Variants in MT4 observed in about 807,000 individuals in gnomAD.
The protein encoded by MT4 is metallothionein-4.
Under a neutral mutation model 9.5 loss-of-function variants are expected in MT4, and 11 were observed. That is an observed-to-expected ratio of 1.16 (90% CI 0.73 to 1.92). The LOEUF is 1.92. Among genes scored for constraint, MT4 ranks in the 30% most tolerant of loss-of-function variants. The pLI, the probability that MT4 is intolerant of heterozygous loss-of-function variation, is 0.00. For synonymous variants in MT4, 29 were observed against 24.6 expected (o/e 1.18, Z -0.53); for missense variants, 88 against 78.7 (o/e 1.12, Z -0.45).
chr16:56,568,359 C>A (rs546114097), intron 2 of MT4, among the ~76,000 whole-genome samples: 6 of 151,510 alleles, frequency 4.0e-5, no homozygotes, highest in Admixed American at 2.6e-4. Context: ...ACCCTCAATC[C>A]TCCAGCCATG....
intron 2 of MT4, among the ~76,000 whole-genome samples, chr16:56,568,271 G>GAGAAAGAAAGAAAGAAAGAAAGAA (rs58324349): frequency 3.4e-5 from 2 of 58,648 alleles, no homozygotes; most frequent in Admixed American, 2.0e-4. Flanking sequence ...GAGAGAGAGA[G>GAGAAAGAAAGAAAGAAAGAAAGAA]AGAAAGAAAG....
chr16:56,566,733 A>G (rs12708961), intron 1 of MT4, among the ~76,000 whole-genome samples: 2,361 of 25,892 alleles, frequency 0.091, 19 homozygotes, highest in South Asian at 0.17. Flanking sequence ...AAAGAAAGAA[A>G]GAAAGAAAGA....
intron 1 of MT4, among the ~76,000 whole-genome samples, chr16:56,565,817 G>A (rs1310280153): frequency 2.0e-5 from 3 of 152,172 alleles, no homozygotes; most frequent in Non-Finnish European, 4.4e-5. Flanking sequence ...TGTAGTCCCA[G>A]CACTTTGAGG....
chr16:56,566,396 C>T (rs533755572), intron 1 of MT4, among the ~76,000 whole-genome samples: 49 of 151,582 alleles, frequency 3.2e-4, no homozygotes, highest in Non-Finnish European at 5.7e-4. Flanking sequence ...TGTGGTGGTG[C>T]GTGCCTGTGG....
At chr16:56,567,260 G>A (rs1462166037) in intron 1 of MT4, among the ~76,000 whole-genome samples, 1 of 151,970 alleles carries the variant, frequency 6.6e-6, no homozygotes, top group African/African-American at 2.4e-5. Flanking sequence ...CAGGCCTCAT[G>A]TGATTCACCT....
chr16:56,566,682 A>G (rs1391819750), intron 1 of MT4, among the ~76,000 whole-genome samples: 1 of 140,736 alleles, frequency 7.1e-6, no homozygotes, highest in African/African-American at 2.5e-5. Context: ...AAAGAGAAAA[A>G]GAAAAGAAAG....
intron 2 of MT4, 32 bp from the exon 3 acceptor site, chr16:56,568,809 C>T: frequency 6.7e-7 from 1 of 1,495,908 alleles, no homozygotes; most frequent in Non-Finnish European, 9.1e-7. Flanking sequence ...TGTTGACCCA[C>T]AGCGGATCTG....
At chr16:56,568,217 A>AGAG (rs1567330490) in intron 2 of MT4, among the ~76,000 whole-genome samples, 1 of 26,460 alleles carries the variant, frequency 3.8e-5, no homozygotes, top group African/African-American at 1.1e-4. Context: ...GAGAGAGAGA[A>AGAG]AGAAAGAAAG....
chr16:56,568,293 G>T (rs534024440), intron 2 of MT4, among the ~76,000 whole-genome samples: 2 of 142,732 alleles, frequency 1.4e-5, no homozygotes, highest in South Asian at 2.3e-4. Context: ...AAGAAAGAAA[G>T]AAAGAAAGAA....
chr16:56,567,688 T>C (rs1367362755), intron 1 of MT4, 63 bp from the exon 2 acceptor site: 10 of 1,487,750 alleles, frequency 6.7e-6, no homozygotes, highest in Non-Finnish European at 8.4e-6. Flanking sequence ...GTCGGCATCA[T>C]GCCTTATGTT....
intron 1 of MT4, among the ~76,000 whole-genome samples, chr16:56,566,729 A>G (rs28469339): frequency 0.073 from 1,784 of 24,468 alleles, 10 homozygotes; most frequent in Middle Eastern, 0.15. Flanking sequence ...AAAGAAAGAA[A>G]GAAAGAAAGA....
At chr16:56,568,404 C>G (rs1221433418) in intron 2 of MT4, among the ~76,000 whole-genome samples, 2 of 151,960 alleles carry the variant, frequency 1.3e-5, no homozygotes, top group Non-Finnish European at 2.9e-5. Flanking sequence ...GGTCTAGATG[C>G]CTTTTACCCA....
At chr16:56,568,049 A>G (rs1237550184) in intron 2 of MT4, among the ~76,000 whole-genome samples, 1 of 151,528 alleles carries the variant, frequency 6.6e-6, no homozygotes, top group African/African-American at 2.4e-5. Flanking sequence ...GCTACTCAGG[A>G]GGCTGAGGCA....
At chr16:56,568,269 GAGAGAA>G (rs1959574801) in intron 2 of MT4, among the ~76,000 whole-genome samples, 5 of 84,562 alleles carry the variant, frequency 5.9e-5, no homozygotes, top group African/African-American at 1.7e-4. Flanking sequence ...GAGAGAGAGA[GAGAGAA>G]AGAAAGAAAG....
chr16:56,567,411 G>C (rs530771561), intron 1 of MT4, among the ~76,000 whole-genome samples: 1 of 152,278 alleles, frequency 6.6e-6, no homozygotes, highest in Admixed American at 6.5e-5. Flanking sequence ...TTGTACATAA[G>C]AATTATTTGG....
chr16:56,568,237 A>AGAGAG (rs1959569459), intron 2 of MT4, among the ~76,000 whole-genome samples: 1 of 29,314 alleles, frequency 3.4e-5, no homozygotes, highest in Non-Finnish European at 8.4e-5. Context: ...GAAAGAAAGA[A>AGAGAG]AGAAAGAAAG....
intron 1 of MT4, among the ~76,000 whole-genome samples, chr16:56,566,234 A>G (rs1233210373): frequency 6.6e-6 from 1 of 152,094 alleles, no homozygotes; most frequent in African/African-American, 2.4e-5. Context: ...GATGATCATT[A>G]TGATATAAAA....
Position 56,568,327 on chromosome 16 carries a change from A to AAGAAAGAAAGAAAGAAAGAG in MT4, c.98-503_98-502insAAGAAAGAGAGAAAGAAAGA, listed in dbSNP as rs1273931112. ...AAAGAAAGAAAGAAAGAAAGAAAGAAAGAAAGAAAGATCCCATCCCCACCC... is the reference window on the plus strand; with the variant it reads ...AAAGAAAGAAAGAAAGAAAGAAAGAAAGAAAGAAAGAAAGAAAGAGAGAAAGAAAGATCCCATCCCCACCC... On this transcript the variant is annotated intron_variant, in intron 2 of 2. Coordinates refer to ENST00000219162, the MANE Select transcript of MT4 (RefSeq NM_032935.3). Among the ~76,000 whole-genome samples the AAGAAAGAAAGAAAGAAAGAG allele has an allele frequency of 1.5e-4, 23 of 148,644 alleles. 1 individual carries two copies. The highest frequency in any genetic ancestry group is 5.9e-4 in the African/African-American group (23 of 39,158).
intron 1 of MT4, among the ~76,000 whole-genome samples, chr16:56,566,498 C>A (rs1026719187): frequency 2.0e-5 from 3 of 146,686 alleles, no homozygotes; most frequent in African/African-American, 7.6e-5. Context: ...CAGGGCAAGA[C>A]CCTGTCAAAA....
Sources: allele counts gnomAD v4.1 joint callset (sites outside exome capture counted in the v4.1 genomes callset), GRCh38; gene constraint gnomAD v4.1.1; transcripts MANE v1.5; gene names NCBI Gene and HGNC (gene_info 2026-07-23, HGNC 2026-07-21).